Variants in ZNF385D observed in about 807,000 individuals in gnomAD.
The protein encoded by ZNF385D is zinc finger protein 659.
A neutral mutation model predicts 35.8 loss-of-function variants in ZNF385D; 15 were observed. That is an observed-to-expected ratio of 0.42 (90% CI 0.28 to 0.64). The LOEUF (loss-of-function observed/expected upper bound fraction) is 0.64. Among genes scored for constraint, ZNF385D ranks in the 30% least tolerant of loss-of-function variants. ZNF385D has a pLI of 0.23. For synonymous variants in ZNF385D, 212 were observed against 186.8 expected (o/e 1.13, Z -1.10); for missense variants, 474 against 494.6 (o/e 0.96, Z 0.39).
chr3:21,693,125 C>G (rs2067339369), intron 1 of ZNF385D, among the ~76,000 whole-genome samples: 1 of 152,128 alleles, frequency 6.6e-6, no homozygotes, highest in Non-Finnish European at 1.5e-5. Flanking sequence ...GACTTTCTTC[C>G]CCAGAGCTTT....
intron 4 of ZNF385D, among the ~76,000 whole-genome samples, chr3:21,453,204 C>A (rs1289207604): frequency 1.3e-5 from 2 of 150,730 alleles, no homozygotes; most frequent in Non-Finnish European, 3.0e-5. Context: ...CCCTGCCTCA[C>A]ACCGCATGTC....
chr3:21,571,067 A>G (rs2063321392), intron 2 of ZNF385D, among the ~76,000 whole-genome samples: 1 of 152,138 alleles, frequency 6.6e-6, no homozygotes, highest in Admixed American at 6.6e-5. Flanking sequence ...TATCATTTGC[A>G]GATTTTTTTA....
intron 3 of ZNF385D, among the ~76,000 whole-genome samples, chr3:21,541,449 T>C (rs1283755852): frequency 6.6e-6 from 1 of 152,152 alleles, no homozygotes; most frequent in African/African-American, 2.4e-5. Flanking sequence ...AATTATTTCA[T>C]CACAATTACT....
At chr3:21,736,680 G>A (rs2069257269) in intron 1 of ZNF385D, among the ~76,000 whole-genome samples, 1 of 152,098 alleles carries the variant, frequency 6.6e-6, no homozygotes, top group Non-Finnish European at 1.5e-5. Flanking sequence ...ACATCCATAT[G>A]GAATTAGCAG....
chr3:22,209,104 C>A (rs1697348410), intron 2 of ZNF385D, among the ~76,000 whole-genome samples: 1 of 151,848 alleles, frequency 6.6e-6, no homozygotes, highest in Non-Finnish European at 1.5e-5. Flanking sequence ...TTCTGCTCCT[C>A]CGATTCATTC....
chr3:21,772,330 T>A (rs951140050), intron 3 of ZNF385D, among the ~76,000 whole-genome samples: 6 of 151,874 alleles, frequency 4.0e-5, no homozygotes, highest in Admixed American at 6.6e-5. Context: ...ATCAAGTATC[T>A]GATAACAGAT....
intron 2 of ZNF385D, among the ~76,000 whole-genome samples, chr3:22,206,860 T>C (rs540044931): frequency 5.3e-5 from 8 of 151,600 alleles, no homozygotes; most frequent in Non-Finnish European, 8.8e-5. Context: ...CACCTTAAAG[T>C]ACAAGAAAAG....
chr3:21,771,464 G>T (rs1479785800), intron 3 of ZNF385D, among the ~76,000 whole-genome samples: 2 of 151,874 alleles, frequency 1.3e-5, no homozygotes, highest in South Asian at 2.1e-4. Context: ...AAAAGGAATA[G>T]AAATGTATGG....
intron 3 of ZNF385D, among the ~76,000 whole-genome samples, chr3:21,808,317 G>T (rs537103263): frequency 1.3e-5 from 2 of 152,190 alleles, no homozygotes; most frequent in African/African-American, 4.8e-5. Context: ...AAAGAGACCT[G>T]TAGTATAACA....
At chr3:21,808,862 C>A (rs2072773614) in intron 3 of ZNF385D, among the ~76,000 whole-genome samples, 1 of 152,144 alleles carries the variant, frequency 6.6e-6, no homozygotes, top group East Asian at 1.9e-4. Flanking sequence ...CTCAGATTGA[C>A]CTCTGGGTAG....
chr3:22,365,701 A>G (rs919262627), intron 2 of ZNF385D, among the ~76,000 whole-genome samples: 2 of 152,098 alleles, frequency 1.3e-5, no homozygotes, highest in Non-Finnish European at 2.9e-5. Context: ...TTTACCATAA[A>G]CACTTGTCAT....
intron 2 of ZNF385D, among the ~76,000 whole-genome samples, chr3:22,206,593 T>G (rs1697171867): frequency 6.6e-6 from 1 of 151,708 alleles, no homozygotes; most frequent in Non-Finnish European, 1.5e-5. Flanking sequence ...CTGACCACCA[T>G]GAATAAAACT....
At chr3:22,225,708 A>C (rs1698514253) in intron 2 of ZNF385D, among the ~76,000 whole-genome samples, 2 of 152,198 alleles carry the variant, frequency 1.3e-5, no homozygotes, top group South Asian at 4.1e-4. Context: ...TCAACAACCA[A>C]ATAAACTACT....
intron 4 of ZNF385D, among the ~76,000 whole-genome samples, chr3:21,448,724 A>C (rs1702286395): frequency 6.6e-6 from 1 of 152,192 alleles, no homozygotes; most frequent in South Asian, 2.1e-4. Context: ...GTTTCTAAGA[A>C]GCCAAGATTC....
intron 3 of ZNF385D, among the ~76,000 whole-genome samples, chr3:21,953,974 G>T (rs1702174991): frequency 6.6e-6 from 1 of 151,962 alleles, no homozygotes; most frequent in African/African-American, 2.4e-5. Flanking sequence ...TAAAATCGTG[G>T]ATAAATATAA....
intron 3 of ZNF385D, among the ~76,000 whole-genome samples, chr3:21,783,644 G>A (rs535552485): frequency 3.3e-5 from 5 of 152,124 alleles, no homozygotes; most frequent in South Asian, 2.1e-4. Flanking sequence ...CAATTTCTCC[G>A]TCCTTGTTCC....
At chr3:22,232,230 T>G (rs1185507640) in intron 2 of ZNF385D, among the ~76,000 whole-genome samples, 1 of 152,114 alleles carries the variant, frequency 6.6e-6, no homozygotes, top group African/African-American at 2.4e-5. Flanking sequence ...ACCTTTCAAA[T>G]GTTGCTAGTA....
At chr3:21,497,885 A>G (rs1242015731) in intron 4 of ZNF385D, among the ~76,000 whole-genome samples, 2 of 152,034 alleles carry the variant, frequency 1.3e-5, no homozygotes, top group Non-Finnish European at 2.9e-5. Context: ...TAAAACTCTT[A>G]CGGAACCAGA....
intron 1 of ZNF385D, among the ~76,000 whole-genome samples, chr3:21,700,681 T>C (rs1037734320): frequency 6.6e-6 from 1 of 152,198 alleles, no homozygotes; most frequent in Non-Finnish European, 1.5e-5. Flanking sequence ...TAAGAATACC[T>C]GTCTTGCTTT....
Sources: allele counts gnomAD v4.1 joint callset (sites outside exome capture counted in the v4.1 genomes callset), GRCh38; gene constraint gnomAD v4.1.1; transcripts MANE v1.5; gene names NCBI Gene and HGNC (gene_info 2026-07-23, HGNC 2026-07-21).